The following CYP4F12 variants were observed in gnomAD, a reference collection of about 807,000 sequenced individuals.
CYP4F12 encodes cytochrome P450 family 4 subfamily F member 12.
Under a neutral mutation model 56.5 loss-of-function variants are expected in CYP4F12, and 60 were observed. The observed-to-expected ratio is 1.06, with a 90% CI of 0.86 to 1.32. The LOEUF (loss-of-function observed/expected upper bound fraction) is 1.32. Ranked by LOEUF, CYP4F12 falls within the 40% of genes most tolerant of loss-of-function variation. The pLI, the probability that CYP4F12 is intolerant of heterozygous loss-of-function variation, is 0.00. For synonymous variants in CYP4F12, 263 were observed against 264.9 expected (o/e 0.99, Z 0.07); for missense variants, 711 against 683.5 (o/e 1.04, Z -0.45).
In CYP4F12 at chr19:15,683,624, G is replaced by C. The variant is rs2007436019; in HGVS notation, c.779G>C (p.Cys260Ser). Residue 260 changes from cysteine (C) to serine (S), a missense_variant, in exon 7 of 13, where the codon TGC becomes TCC. Cys to Ser is a moderately radical substitution (Grantham distance 112). Transcript: ENST00000550308. ...SHDGRRFHRA[C>S]RLVHDFTDAV... ...GACGGGCGGCGCTTCCACAGGGCCT[G>C]CCGCCTGGTGCATGACTTCACAGAC... 6.2e-7 allele frequency: 1 copy of C among 1,614,010 alleles called. No individual in the cohort carries two copies. The highest frequency in any genetic ancestry group is 8.5e-7 in the Non-Finnish European group (1 of 1,180,016).
At chr19:15,678,608 G>C in intron 3 of CYP4F12, 1 of 624,546 alleles carries the variant, frequency 1.6e-6, no homozygotes, top group Non-Finnish European at 2.7e-6. Context: ...GGCCCTTTCT[G>C]GAAGGAACCC....
At position 15,675,724 on chromosome 19, in the gene CYP4F12, C is replaced by T. The variant is rs1219574470; in HGVS notation, c.198+1997C>T. ...AGTCAGCAGAAACCCACTGCAGCTG[C>T]TGAGAATCCAGACACGCTGCTCACT... On this transcript the variant is annotated intron_variant, in intron 2 of 12. Coordinates refer to ENST00000550308, the MANE Select transcript of CYP4F12 (RefSeq NM_023944.4). Among the ~76,000 whole-genome samples, 45 of 152,204 alleles carry T rather than the reference C, an allele frequency of 3.0e-4. 1 individual carries two copies. Among genetic ancestry groups the T allele is most frequent in the Non-Finnish European group, 2.9e-5 (2 of 68,030 alleles).
Position 15,674,302 on chromosome 19 carries a change from C to CCTCCTCACTCATTCCT in CYP4F12, c.198+587_198+602dup, listed in dbSNP as rs2006789510. On this transcript the variant is annotated intron_variant, in intron 2 of 12. Coordinates refer to ENST00000550308, the MANE Select transcript of CYP4F12 (RefSeq NM_023944.4). The stretch of plus-strand genomic sequence containing the variant: ...ATTCCTCTCCTCACTCACTCATTCC[C>CCTCCTCACTCATTCCT]CTCCTCACTCATTCCTCTCCTCACT... Among the ~76,000 whole-genome samples the CCTCCTCACTCATTCCT allele has an allele frequency of 3.6e-4, 2 of 5,570 alleles. 1 individual carries two copies. Among genetic ancestry groups the CCTCCTCACTCATTCCT allele is most frequent in the South Asian group, 9.6e-3 (2 of 208 alleles). 3.7% of individuals were successfully genotyped at this position (5,570 alleles called of 152,430 possible).
chr19:15,697,102 C>A lies in CYP4F12; in HGVS notation c.*17C>A, dbSNP rs1399856614. 1 of 1,602,564 alleles carries A rather than the reference C, an allele frequency of 6.2e-7. No homozygotes were observed. The highest frequency in any genetic ancestry group is 1.3e-5 in the African/African-American group (1 of 74,480). ...TTGCAGTGACTTTCTGACCCATCCA[C>A]CTGTTTTTTTGCAGATTGTCATGAA... On this transcript the variant is annotated 3_prime_UTR_variant, in exon 13 of 13. Transcript: ENST00000550308.
At chr19:15,674,629 A>C (rs1297690570) in intron 2 of CYP4F12, among the ~76,000 whole-genome samples, 1 of 30,848 alleles carries the variant, frequency 3.2e-5, no homozygotes, top group African/African-American at 1.3e-4. Flanking sequence ...TTATTCCTCT[A>C]TCCACTCACT....
At chr19:15,694,722 C>T (rs1160276979) in intron 9 of CYP4F12, among the ~76,000 whole-genome samples, 1 of 152,160 alleles carries the variant, frequency 6.6e-6, no homozygotes, top group Non-Finnish European at 1.5e-5. Context: ...ACTTCCAACA[C>T]TTTATGCAGC....
At chr19:15,682,826 T>G (rs758011730) in intron 6 of CYP4F12, among the ~76,000 whole-genome samples, 7 of 152,140 alleles carry the variant, frequency 4.6e-5, no homozygotes, top group Non-Finnish European at 7.4e-5. Context: ...CAGAGACCTT[T>G]TGTAGTTTCA....
At chr19:15,696,844 C>T (rs1444087258) in intron 12 of CYP4F12, 64 bp from the exon 13 acceptor site, 1 of 1,538,554 alleles carries the variant, frequency 6.5e-7, no homozygotes, top group Non-Finnish European at 8.8e-7. Context: ...AGGCCAGGTT[C>T]CTGGGTTGAT....
At chr19:15,690,566 G>A (rs1045991076) in intron 9 of CYP4F12, among the ~76,000 whole-genome samples, 2 of 152,070 alleles carry the variant, frequency 1.3e-5, no homozygotes, top group African/African-American at 4.8e-5. Flanking sequence ...GTTAATTAAG[G>A]TTATGTGCTG....
chr19:15,697,133 C>T lies in CYP4F12; in HGVS notation c.*48C>T, dbSNP rs1263474312. On this transcript the variant is annotated 3_prime_UTR_variant, in exon 13 of 13. Transcript: ENST00000550308. ...TTTTTGCAGATTGTCATGAATAAAA[C>T]GGTGCTGTCACCTCTGCCTGGGCCT... The T allele has an allele frequency of 6.3e-7, 1 of 1,577,654 alleles. No homozygotes were observed. Among genetic ancestry groups the T allele is most frequent in the Admixed American group, 1.7e-5 (1 of 58,362 alleles).
At position 15,696,868 on chromosome 19, in the gene CYP4F12, G is replaced by A. The variant is rs368830360; in HGVS notation, c.1398-40G>A. On this transcript the variant is annotated intron_variant, in intron 12 of 12. Transcript: ENST00000550308. ...TCCTGGGTTGATGGGACCCAAATGC[G>A]GGTCTTGGGCACAGTCACAGTCCCC... 35 of 1,574,252 alleles carry A rather than the reference G, an allele frequency of 2.2e-5. 1 individual carries two copies. Among genetic ancestry groups the A allele is most frequent in the South Asian group, 5.8e-5 (5 of 86,014 alleles).
At chr19:15,685,251 C>T (rs2007545159) in intron 9 of CYP4F12, 54 bp downstream of exon 9, 1 of 1,589,438 alleles carries the variant, frequency 6.3e-7, no homozygotes, top group Non-Finnish European at 8.6e-7. Context: ...TTCTGCTCCC[C>T]AAGTGAGGAG....
At chr19:15,686,543 G>A (rs546581209) in intron 9 of CYP4F12, among the ~76,000 whole-genome samples, 4 of 152,158 alleles carry the variant, frequency 2.6e-5, no homozygotes, top group Non-Finnish European at 4.4e-5. Context: ...GACAGAAGGA[G>A]ACAGAGAGAG....
At position 15,685,052 on chromosome 19, in the gene CYP4F12, C is replaced by G. The variant is rs768609077; in HGVS notation, c.986-16C>G. The G allele has an allele frequency of 6.2e-7, 1 of 1,609,814 alleles. No individual in the cohort carries two copies. Among genetic ancestry groups the G allele is most frequent in the Middle Eastern group, 1.7e-4 (1 of 5,996 alleles). ...CCCTCCGGTGCTGAAGCCAAGCTTA[C>G]CTGGCTGCTCCTCAGGCCATGACAC... On this transcript the variant is annotated splice_polypyrimidine_tract_variant and intron_variant, in intron 8 of 12. Transcript: ENST00000550308.
intron 5 of CYP4F12, chr19:15,681,234 A>G (rs1244101488): frequency 6.5e-6 from 1 of 153,700 alleles, no homozygotes; most frequent in Admixed American, 6.4e-5. Context: ...TCGAAAGTCA[A>G]AAGTCCAGTA....
At chr19:15,674,197 A>G (rs1464751041) in intron 2 of CYP4F12, among the ~76,000 whole-genome samples, 1 of 13,354 alleles carries the variant, frequency 7.5e-5, no homozygotes, top group Non-Finnish European at 1.5e-4. Context: ...CCACTCACTC[A>G]CTCCTCTACC....
chr19:15,683,596 C>A lies in CYP4F12; in HGVS notation c.751C>A (p.His251Asn). Reference sequence around the variant, plus strand: ...CATGGACTTTCTGTATTACCTCTCCCATGACGGGCGGCGCTTCCACAGGGC... The same window carrying A: ...CATGGACTTTCTGTATTACCTCTCCAATGACGGGCGGCGCTTCCACAGGGC... Reference protein sequence around the residue: ...QHMDFLYYLSHDGRRFHRACR... With the variant: ...QHMDFLYYLSNDGRRFHRACR... Residue 251 changes from histidine to asparagine, a missense_variant, in exon 7 of 13, where the codon CAT (histidine) becomes AAT (asparagine). Coordinates refer to ENST00000550308, the MANE Select transcript of CYP4F12 (RefSeq NM_023944.4). The A allele has an allele frequency of 6.2e-7, 1 of 1,614,182 alleles. No individual in the cohort carries two copies. The highest frequency in any genetic ancestry group is 8.5e-7 in the Non-Finnish European group (1 of 1,180,020).
Position 15,673,125 on chromosome 19 carries a change from C to CGGTGGTCG in CYP4F12, c.-12_-11insGGTGGTCG. 2 of 426,828 alleles carry CGGTGGTCG rather than the reference C, an allele frequency of 4.7e-6. No individual in the cohort carries two copies. The highest frequency in any genetic ancestry group is 4.6e-6 in the Non-Finnish European group (1 of 218,800). The allele number at this position is 426,828 out of a possible 1,614,324, so 26.4% of individuals were successfully genotyped here. A position where few individuals can be genotyped will look rare whatever the true frequency, so the allele number is the denominator to read the frequency against. On this transcript the variant is annotated 5_prime_UTR_variant, in exon 1 of 13. Transcript: ENST00000550308. ...AAGAGGTTGTGTGGGACAAGCTGCT[C>CGGTGGTCG]CCGACAGAAGGTACCAGGCTGGGGG...
intron 5 of CYP4F12, chr19:15,681,597 T>C (rs1490048125): frequency 2.0e-5 from 3 of 152,304 alleles, no homozygotes; most frequent in Middle Eastern, 3.4e-3. Context: ...TGACATACAA[T>C]GGGCATTAGG....
Sources: gnomAD v4.1 joint callset for allele counts (sites outside exome capture counted in the v4.1 genomes callset) on GRCh38, gnomAD v4.1.1 for gene constraint, MANE v1.5 for transcripts, NCBI Gene and HGNC (gene_info 2026-07-23, HGNC 2026-07-21) for gene names.